Variants in SEMA5A observed in about 807,000 individuals in gnomAD.
SEMA5A encodes semaphorin-5A.
Under a neutral mutation model 135.5 loss-of-function variants are expected in SEMA5A, and 55 were observed. That is an observed-to-expected ratio of 0.41 (90% CI 0.33 to 0.51). SEMA5A has a LOEUF of 0.51. SEMA5A is among the 20% of genes least tolerant of loss of function. The pLI, the probability that SEMA5A is intolerant of heterozygous loss-of-function variation, is 0.37. For missense variants in SEMA5A, 1,290 were observed against 1,419.9 expected (o/e 0.91, Z 1.47); for synonymous variants, 580 against 546.5 (o/e 1.06, Z -0.85).
chr5:9,162,382 A>ATG (rs1221606161), intron 11 of SEMA5A, among the ~76,000 whole-genome samples: 14,740 of 128,838 alleles, frequency 0.11, 744 homozygotes, highest in South Asian at 0.16. Flanking sequence ...TCAAACAAAC[A>ATG]TGTGTGTGTG....
chr5:9,047,232 T>C (rs1204675905), intron 21 of SEMA5A, among the ~76,000 whole-genome samples: 1 of 152,234 alleles, frequency 6.6e-6, no homozygotes, highest in Non-Finnish European at 1.5e-5. Context: ...GTAACTCATG[T>C]TTCATTATAA....
At chr5:9,162,472 A>ATG (rs751065453) in intron 11 of SEMA5A, among the ~76,000 whole-genome samples, 2 of 24,536 alleles carry the variant, frequency 8.2e-5, no homozygotes, top group Non-Finnish European at 1.7e-4. Context: ...GTGTATATAT[A>ATG]TGTGTGTGTG....
intron 5 of SEMA5A, among the ~76,000 whole-genome samples, chr5:9,273,254 C>T (rs773906550): frequency 6.6e-5 from 10 of 151,850 alleles, no homozygotes; most frequent in Non-Finnish European, 1.2e-4. Context: ...TGAAGATCAA[C>T]TCAATGAAAT....
chr5:9,318,269 T>C, intron 5 of SEMA5A, 103 bp downstream of exon 5: 1 of 1,140,978 alleles, frequency 8.8e-7, no homozygotes, highest in East Asian at 2.5e-5. Context: ...GAGCCCCTGC[T>C]CAGGCTGGAT....
intron 3 of SEMA5A, among the ~76,000 whole-genome samples, chr5:9,361,264 A>T (rs1368940216): frequency 6.6e-6 from 1 of 150,824 alleles, no homozygotes; most frequent in Admixed American, 6.6e-5. Flanking sequence ...ATGCCACTGC[A>T]CTCCAGCCTG....
chr5:9,441,077 A>G (rs1315327225), intron 1 of SEMA5A, among the ~76,000 whole-genome samples: 1 of 152,218 alleles, frequency 6.6e-6, no homozygotes. Flanking sequence ...CAGGCCTCTC[A>G]TCATCAGTCC....
intron 8 of SEMA5A, 95 bp downstream of exon 8, chr5:9,224,579 T>C: frequency 9.2e-7 from 1 of 1,090,900 alleles, no homozygotes; most frequent in East Asian, 2.5e-5. Context: ...GAAGAATTCA[T>C]TTTTATTTAG....
At chr5:9,237,571 C>T (rs1747977619) in intron 6 of SEMA5A, 1 of 324,340 alleles carries the variant, frequency 3.1e-6, no homozygotes. Flanking sequence ...AATTTCTTAT[C>T]TTAGTCTAAT....
intron 1 of SEMA5A, among the ~76,000 whole-genome samples, chr5:9,467,704 A>G (rs1759313143): frequency 6.6e-6 from 1 of 152,152 alleles, no homozygotes; most frequent in East Asian, 1.9e-4. Flanking sequence ...TGAGGCAGGT[A>G]GCAGCAGCTC....
intron 4 of SEMA5A, among the ~76,000 whole-genome samples, chr5:9,320,068 A>G (rs981961394): frequency 2.0e-5 from 3 of 152,164 alleles, no homozygotes; most frequent in African/African-American, 7.2e-5. Flanking sequence ...GAGTCCAGGC[A>G]TTGCCTCCTG....
intron 3 of SEMA5A, among the ~76,000 whole-genome samples, chr5:9,373,648 A>G (rs1027153737): frequency 1.3e-5 from 2 of 152,198 alleles, no homozygotes; most frequent in African/African-American, 4.8e-5. Flanking sequence ...GGGACCTGGG[A>G]ATGGAAATCA....
chr5:9,175,172 G>C (rs1400692457), intron 11 of SEMA5A, among the ~76,000 whole-genome samples: 1 of 152,054 alleles, frequency 6.6e-6, no homozygotes, highest in Non-Finnish European at 1.5e-5. Context: ...GAATTGCAAA[G>C]GTCATCCAGA....
chr5:9,513,920 C>G (rs574199078), intron 1 of SEMA5A, among the ~76,000 whole-genome samples: 5 of 152,250 alleles, frequency 3.3e-5, no homozygotes, highest in African/African-American at 1.2e-4. Flanking sequence ...TAACAAATTC[C>G]CATAAACTTA....
chr5:9,459,571 A>T (rs1758978852), intron 1 of SEMA5A, among the ~76,000 whole-genome samples: 1 of 152,248 alleles, frequency 6.6e-6, no homozygotes, highest in South Asian at 2.1e-4. Flanking sequence ...CCAGCTGAGC[A>T]TTCAGATGAG....
At chr5:9,523,075 T>G (rs1736925750) in intron 1 of SEMA5A, 1 of 152,204 alleles carries the variant, frequency 6.6e-6, no homozygotes, top group African/African-American at 2.4e-5. Flanking sequence ...TAATATCAGC[T>G]GAAGAAATCT....
intron 1 of SEMA5A, among the ~76,000 whole-genome samples, chr5:9,513,543 A>T (rs1262244187): frequency 2.0e-5 from 3 of 152,178 alleles, no homozygotes; most frequent in East Asian, 1.9e-4. Context: ...GAAGAAAGAG[A>T]TCATAATGGC....
intron 8 of SEMA5A, among the ~76,000 whole-genome samples, chr5:9,214,853 G>A (rs1806028): frequency 0.029 from 4,463 of 152,198 alleles, 235 homozygotes; most frequent in African/African-American, 0.1. Flanking sequence ...ACACAAGATC[G>A]AGCTCACTGC....
rs543659965 is a variant in SEMA5A at position 9,038,485 on chromosome 5, G to A, written c.*4412C>T. The A allele has an allele frequency of 6.6e-6, 1 of 152,284 alleles. No individual in the cohort carries two copies. The highest frequency in any genetic ancestry group is 2.4e-5 in the African/African-American group (1 of 41,560). 9.4% of individuals were successfully genotyped at this position (152,284 alleles called of 1,614,324 possible). ...CTGATGGTTCAGGGACAAAGTTGAA[G>A]AAGTATCTTGACAGTATTGGGGAAA... On this transcript the variant is annotated 3_prime_UTR_variant, in exon 23 of 23. Coordinates refer to ENST00000382496, the MANE Select transcript of SEMA5A (RefSeq NM_003966.3).
intron 11 of SEMA5A, among the ~76,000 whole-genome samples, chr5:9,166,358 G>A (rs1049089874): frequency 2.6e-5 from 4 of 152,216 alleles, no homozygotes; most frequent in African/African-American, 9.6e-5. Context: ...CCGTGTGACC[G>A]AGCGCAGATC....
Sources: allele counts gnomAD v4.1 joint callset (sites outside exome capture counted in the v4.1 genomes callset), GRCh38; gene constraint gnomAD v4.1.1; transcripts MANE v1.5; gene names NCBI Gene and HGNC (gene_info 2026-07-23, HGNC 2026-07-21).